KLHL1: variants seen among roughly 807,000 people sequenced by gnomAD.
The protein encoded by KLHL1 is kelch like family member 1, also known as kelch-like protein 1.
Under a neutral mutation model 77.7 loss-of-function variants are expected in KLHL1, and 47 were observed. The ratio of observed to expected loss-of-function variants is 0.60; its 90% confidence interval spans 0.48 to 0.77. The LOEUF (loss-of-function observed/expected upper bound fraction) is 0.77. KLHL1 is among the 30% of genes least tolerant of loss of function. The pLI is 0.00. For missense variants in KLHL1, 925 were observed against 910.8 expected (o/e 1.02, Z -0.20); for synonymous variants, 360 against 325.2 (o/e 1.11, Z -1.15).
intron 7 of KLHL1, among the ~76,000 whole-genome samples, chr13:69,746,540 C>T (rs1161020102): frequency 6.6e-6 from 1 of 151,982 alleles, no homozygotes; most frequent in Non-Finnish European, 1.5e-5. Context: ...TCTATTTATA[C>T]TCAATGTAAT....
At chr13:69,920,169 AAG>A (rs1354020874) in intron 4 of KLHL1, among the ~76,000 whole-genome samples, 5 of 152,118 alleles carry the variant, frequency 3.3e-5, no homozygotes, top group Admixed American at 3.3e-4. Flanking sequence ...ATTCATTTGA[AAG>A]AGTTTTTTTT....
intron 1 of KLHL1, among the ~76,000 whole-genome samples, chr13:70,072,598 C>CA (rs1246579404): frequency 2.0e-5 from 3 of 151,902 alleles, no homozygotes; most frequent in Non-Finnish European, 4.4e-5. Flanking sequence ...CACCTGTGGC[C>CA]AGGTAGAACC....
chr13:69,928,151 T>C (rs1397221182), intron 4 of KLHL1, among the ~76,000 whole-genome samples: 1 of 152,184 alleles, frequency 6.6e-6, no homozygotes, highest in Admixed American at 6.5e-5. Flanking sequence ...TTGCTTAAGA[T>C]GTTTTTCAGA....
intron 2 of KLHL1, among the ~76,000 whole-genome samples, chr13:69,968,550 AAAAAG>A (rs1884287492): frequency 6.6e-6 from 1 of 151,666 alleles, no homozygotes. Context: ...TTTAAAAAAA[AAAAAG>A]AAATTGAAGG....
chr13:69,908,567 TAA>T (rs1411041488), intron 4 of KLHL1, among the ~76,000 whole-genome samples: 1 of 150,502 alleles, frequency 6.6e-6, no homozygotes, highest in Non-Finnish European at 1.5e-5. Context: ...CACTAAAATA[TAA>T]AAGATTCATT....
Position 70,107,636 on chromosome 13 carries a change from A to G in KLHL1, c.64T>C (p.Phe22Leu), listed in dbSNP as rs778959588. The G allele has an allele frequency of 6.4e-7, 1 of 1,566,820 alleles. No homozygotes were observed. The highest frequency in any genetic ancestry group is 8.6e-7 in the Non-Finnish European group (1 of 1,159,810). Residue 22 changes from phenylalanine (F) to leucine (L), a missense_variant, in exon 1 of 11, where the codon TTC becomes CTC. Phe to Leu is a conservative substitution (Grantham distance 22). Transcript: ENST00000377844. The stretch of plus-strand genomic sequence containing the variant: ...CCGGTGGAAGGAGACGGGTGGCTGA[A>G]GAGTTTCCAGCGGAGTCGCAGAATG... ...KHILRLRWKL[F>L]SHPSPSTGGP...
At chr13:69,986,749 G>A (rs888350704) in intron 1 of KLHL1, among the ~76,000 whole-genome samples, 1 of 151,884 alleles carries the variant, frequency 6.6e-6, no homozygotes, top group African/African-American at 2.4e-5. Flanking sequence ...TATACTCTTA[G>A]AGATGAGTTA....
chr13:69,838,940 C>T (rs1307019610), intron 6 of KLHL1, 36 bp downstream of exon 6: 2 of 1,444,252 alleles, frequency 1.4e-6, no homozygotes, highest in Admixed American at 2.0e-5. Flanking sequence ...CGGTATAACA[C>T]AGGATGTATA....
At chr13:70,023,919 A>AT in intron 1 of KLHL1, among the ~76,000 whole-genome samples, 1 of 151,956 alleles carries the variant, frequency 6.6e-6, no homozygotes, top group Non-Finnish European at 1.5e-5. Context: ...TAACTTACTA[A>AT]AGGGGTGATT....
intron 4 of KLHL1, among the ~76,000 whole-genome samples, chr13:69,922,186 A>G (rs1271785647): frequency 6.6e-6 from 1 of 152,056 alleles, no homozygotes; most frequent in East Asian, 1.9e-4. Flanking sequence ...GTCTCAAGGG[A>G]TTCTCCTGCC....
chr13:70,018,432 A>C (rs1157890224), intron 1 of KLHL1, among the ~76,000 whole-genome samples: 1 of 152,198 alleles, frequency 6.6e-6, no homozygotes, highest in East Asian at 1.9e-4. Context: ...CTAGCAGTAC[A>C]CACCAAAAGT....
chr13:70,023,866 C>T (rs894290976), intron 1 of KLHL1, among the ~76,000 whole-genome samples: 2 of 151,900 alleles, frequency 1.3e-5, no homozygotes, highest in Non-Finnish European at 2.9e-5. Flanking sequence ...AAACAAGTGT[C>T]ATAACATGTT....
chr13:70,102,510 G>A lies in KLHL1; in HGVS notation c.497+4693C>T, dbSNP rs183087178. ...CATTCAAACACAATCTCCACCAAGG[G>A]AAAAAGAAAATTATTTCTCCATAAC... On this transcript the variant is annotated intron_variant, in intron 1 of 10. Coordinates refer to ENST00000377844, the MANE Select transcript of KLHL1 (RefSeq NM_020866.3). Among the ~76,000 whole-genome samples the A allele has an allele frequency of 6.2e-3, 947 of 152,098 alleles. 7 individuals carry two copies. Among genetic ancestry groups the A allele is most frequent in the African/African-American group, 0.021 (889 of 41,506 alleles).
chr13:69,959,666 TTTCCCCCCAAAGGCC>T (rs1178013199), intron 3 of KLHL1, among the ~76,000 whole-genome samples: 2 of 103,292 alleles, frequency 1.9e-5, no homozygotes, highest in Admixed American at 9.6e-5. Flanking sequence ...AACTTTTTTT[TTTCCCCCCAAAGGCC>T]TGAACATTGT....
intron 1 of KLHL1, among the ~76,000 whole-genome samples, chr13:70,003,323 G>A (rs1210818693): frequency 6.6e-6 from 1 of 151,696 alleles, no homozygotes; most frequent in Non-Finnish European, 1.5e-5. Flanking sequence ...GAGAAAAGTG[G>A]ATACTTTTTT....
At chr13:70,027,371 A>C (rs1337171153) in intron 1 of KLHL1, among the ~76,000 whole-genome samples, 1 of 106,818 alleles carries the variant, frequency 9.4e-6, no homozygotes, top group African/African-American at 3.1e-5. Context: ...CTTTAGAGCC[A>C]GTTGAAAGTG....
intron 3 of KLHL1, among the ~76,000 whole-genome samples, chr13:69,958,798 A>G (rs982090619): frequency 6.6e-6 from 1 of 151,262 alleles, no homozygotes; most frequent in African/African-American, 2.4e-5. Context: ...CCACTCATTC[A>G]TTTTTTTTCC....
chr13:70,002,921 ATTATTT>A (rs1885332192), intron 1 of KLHL1, among the ~76,000 whole-genome samples: 1 of 151,440 alleles, frequency 6.6e-6, no homozygotes. Context: ...AAGTATTTTC[ATTATTT>A]TTATTAGGGA....
chr13:69,911,133 C>T (rs1013212346), intron 4 of KLHL1, among the ~76,000 whole-genome samples: 1 of 151,836 alleles, frequency 6.6e-6, no homozygotes, highest in African/African-American at 2.4e-5. Context: ...CTTCTGTCTC[C>T]CTCTTTCTCT....
Sources: allele counts gnomAD v4.1 joint callset (sites outside exome capture counted in the v4.1 genomes callset), GRCh38; gene constraint gnomAD v4.1.1; transcripts MANE v1.5; gene names NCBI Gene and HGNC (gene_info 2026-07-23, HGNC 2026-07-21).